The following JARID2 variants were observed in gnomAD, a reference collection of about 807,000 sequenced individuals.
JARID2 encodes protein Jumonji.
A neutral mutation model predicts 125.6 loss-of-function variants in JARID2; 21 were observed. The ratio of observed to expected loss-of-function variants is 0.17; its 90% CI spans 0.12 to 0.24. JARID2 has a LOEUF of 0.24. Among genes scored for constraint, JARID2 ranks in the 10% least tolerant of loss-of-function variants. The probability of loss-of-function intolerance (pLI) is 1.00; values close to 1 mark genes in which losing one functional copy is unlikely to be tolerated. For missense variants in JARID2, 1,303 were observed against 1,639.6 expected, an observed-to-expected ratio of 0.79 and a Z score of 3.55; for synonymous variants, 736 against 661.6, an observed-to-expected ratio of 1.11 and a Z score of -1.73.
At chr6:15,249,601 A>G (rs1017102137) in intron 1 of JARID2, among the ~76,000 whole-genome samples, 3 of 152,208 alleles carry the variant, frequency 2.0e-5, no homozygotes, top group African/African-American at 7.2e-5. Flanking sequence ...GTAAAACAGT[A>G]TGCCTCTTTA....
At chr6:15,493,410 C>T (rs1180271332) in intron 6 of JARID2, among the ~76,000 whole-genome samples, 1 of 152,160 alleles carries the variant, frequency 6.6e-6, no homozygotes, top group East Asian at 1.9e-4. Context: ...TGGCTGATGC[C>T]TGAACCTCAC....
chr6:15,288,983 T>C (rs1174920261), intron 1 of JARID2, among the ~76,000 whole-genome samples: 1 of 152,106 alleles, frequency 6.6e-6, no homozygotes, highest in Non-Finnish European at 1.5e-5. Flanking sequence ...ACTGAGGGAC[T>C]GGGGGCAAGG....
intron 1 of JARID2, among the ~76,000 whole-genome samples, chr6:15,279,108 A>G (rs114207691): frequency 0.015 from 1,986 of 135,072 alleles, 39 homozygotes; most frequent in African/African-American, 0.073. Context: ...AAAAAAAGAT[A>G]AATTGTCCAG....
At chr6:15,278,894 C>A (rs565626200) in intron 1 of JARID2, among the ~76,000 whole-genome samples, 1 of 152,240 alleles carries the variant, frequency 6.6e-6, no homozygotes, top group Non-Finnish European at 1.5e-5. Flanking sequence ...CAAGGCGAAA[C>A]CCTGTCTCTA....
At chr6:15,488,336 G>T (rs921034112) in intron 6 of JARID2, among the ~76,000 whole-genome samples, 1 of 152,216 alleles carries the variant, frequency 6.6e-6, no homozygotes, top group African/African-American at 2.4e-5. Flanking sequence ...CACAGCTGAG[G>T]GCTTGTCCCC....
In JARID2 at chr6:15,522,021, G is replaced by A. The variant is rs879429230; in HGVS notation, c.*1770G>A. Reference sequence around the variant, plus strand: ...TTAATAATAAAAACAAAGTTTTTTGGACATTTGTCTGTCTTGTGGAAGATG... The same window carrying A: ...TTAATAATAAAAACAAAGTTTTTTGAACATTTGTCTGTCTTGTGGAAGATG... On this transcript the variant is annotated 3_prime_UTR_variant, in exon 18 of 18. Coordinates refer to ENST00000341776, the MANE Select transcript of JARID2 (RefSeq NM_004973.4). 1 of 152,154 alleles carries A rather than the reference G, an allele frequency of 6.6e-6. No individual in the cohort carries two copies. Among genetic ancestry groups the A allele is most frequent in the Non-Finnish European group, 1.5e-5 (1 of 68,024 alleles). 9.4% of individuals were successfully genotyped at this position (152,154 alleles called of 1,614,324 possible).
intron 1 of JARID2, among the ~76,000 whole-genome samples, chr6:15,361,640 G>A (rs1469853085): frequency 6.6e-6 from 1 of 152,010 alleles, no homozygotes; most frequent in Non-Finnish European, 1.5e-5. Context: ...GCGGGAGGGT[G>A]GGGTCAGTCC....
rs529159580 is a variant in JARID2, at chr6:15,393,942, A to G, written c.182-16282A>G. ...CAAAAACTGTAAAATTGTAATTAAT[A>G]AAGGCCCAAGTATCTAGAAAACATC... On this transcript the variant is annotated intron_variant, in intron 2 of 17. Coordinates refer to ENST00000341776, the MANE Select transcript of JARID2 (RefSeq NM_004973.4). 2.6e-5 allele frequency among the ~76,000 whole-genome samples: 4 copies of G among 152,276 alleles called. No individual in the cohort carries two copies. In the East Asian group the frequency reaches 7.7e-4, roughly 29 times the overall value.
At chr6:15,473,583 G>A (rs1769197323) in intron 5 of JARID2, among the ~76,000 whole-genome samples, 1 of 143,746 alleles carries the variant, frequency 7.0e-6, no homozygotes, top group Admixed American at 7.6e-5. Context: ...CCTTAAGAGG[G>A]GGGTGGTGTG....
intron 1 of JARID2, among the ~76,000 whole-genome samples, chr6:15,362,067 T>C (rs1017825983): frequency 6.6e-6 from 1 of 151,950 alleles, no homozygotes; most frequent in Non-Finnish European, 1.5e-5. Context: ...CTAGTTTTTG[T>C]ATTTTTAGTG....
intron 2 of JARID2, among the ~76,000 whole-genome samples, chr6:15,386,311 GGTGTGTGTGTAT>G (rs1043592094): frequency 1.4e-5 from 2 of 147,890 alleles, no homozygotes; most frequent in African/African-American, 2.5e-5. Context: ...CTTCTGTGTG[GGTGTGTGTGTAT>G]GTGTGTGTTT....
At chr6:15,445,415 CAATG>C (rs927427191) in intron 3 of JARID2, among the ~76,000 whole-genome samples, 54 of 152,272 alleles carry the variant, frequency 3.5e-4, no homozygotes, top group Middle Eastern at 6.8e-3. Context: ...TAACAACAAA[CAATG>C]AAGATTGATT....
chr6:15,438,900 T>C (rs1280008532), intron 3 of JARID2, among the ~76,000 whole-genome samples: 7 of 152,088 alleles, frequency 4.6e-5, no homozygotes, highest in African/African-American at 1.7e-4. Flanking sequence ...GGCATGGTGT[T>C]GGGTACCTGT....
intron 5 of JARID2, among the ~76,000 whole-genome samples, chr6:15,479,039 T>C (rs529336571): frequency 6.6e-6 from 1 of 152,212 alleles, no homozygotes; most frequent in Non-Finnish European, 1.5e-5. Context: ...AACGCCATCC[T>C]TTTCTGAGTG....
At chr6:15,487,592 C>T in intron 6 of JARID2, 50 bp downstream of exon 6, 1 of 1,429,066 alleles carries the variant, frequency 7.0e-7, no homozygotes. Context: ...CAGTTTCCCA[C>T]TTCACTTCAC....
chr6:15,289,642 C>T (rs1761133024), intron 1 of JARID2, among the ~76,000 whole-genome samples: 1 of 151,984 alleles, frequency 6.6e-6, no homozygotes, highest in Non-Finnish European at 1.5e-5. Context: ...CACTTGAGGT[C>T]AGGAGTTTGA....
intron 3 of JARID2, among the ~76,000 whole-genome samples, chr6:15,443,855 G>A (rs1397209193): frequency 6.6e-6 from 1 of 152,000 alleles, no homozygotes; most frequent in African/African-American, 2.4e-5. Flanking sequence ...ACTAAACTCA[G>A]GTTTTGTGAC....
chr6:15,318,372 G>T (rs533109605), intron 1 of JARID2, among the ~76,000 whole-genome samples: 1 of 152,216 alleles, frequency 6.6e-6, no homozygotes, highest in Non-Finnish European at 1.5e-5. Flanking sequence ...AGGTGCAGGG[G>T]GATGAGGCAC....
chr6:15,311,574 G>A (rs1325575997), intron 1 of JARID2, among the ~76,000 whole-genome samples: 1 of 152,060 alleles, frequency 6.6e-6, no homozygotes, highest in Non-Finnish European at 1.5e-5. Flanking sequence ...GCGAAACTCC[G>A]TCTCAAGAAA....
Sources: gnomAD v4.1 joint callset for allele counts (sites outside exome capture counted in the v4.1 genomes callset) on GRCh38, gnomAD v4.1.1 for gene constraint, MANE v1.5 for transcripts, NCBI Gene and HGNC (gene_info 2026-07-23, HGNC 2026-07-21) for gene names.